The following STAB1 variants were observed in gnomAD, a reference collection of about 807,000 sequenced individuals.
STAB1 encodes the protein stabilin-1.
Under a neutral mutation model 332.4 loss-of-function variants are expected in STAB1, and 250 were observed. The ratio of observed to expected loss-of-function variants is 0.75; its 90% CI spans 0.68 to 0.84. STAB1 has a LOEUF of 0.84. STAB1 is among the 40% of genes least tolerant of loss of function. The pLI is 0.00. For synonymous variants in STAB1, 1,475 were observed against 1,390.4 expected, an observed-to-expected ratio of 1.06 and a Z score of -1.35; for missense variants, 3,249 against 3,489.7, an observed-to-expected ratio of 0.93 and a Z score of 1.74.
At chr3:52,509,789 A>G (rs878906093) in intron 22 of STAB1, 81 bp from the exon 23 acceptor site, 2 of 1,520,344 alleles carry the variant, frequency 1.3e-6, no homozygotes, top group South Asian at 1.1e-5. Context: ...CCCACTCCCT[A>G]TATCCCCCAA....
rs368063159 is a variant in STAB1 at position 52,504,516 on chromosome 3, A to G, written c.1206A>G (p.Pro402=). Reference sequence around the variant, plus strand: ...CGGGCCCTTTCACCGTGCTGGTGCCATCCGTCTCCTCCTTCTCCTCCAGGA... The same window carrying G: ...CGGGCCCTTTCACCGTGCTGGTGCCGTCCGTCTCCTCCTTCTCCTCCAGGA... ...TTAGPFTVLV[P]SVSSFSSRTM... Residue 402 remains proline, a synonymous_variant, in exon 11 of 69, where the codon CCA becomes CCG. Coordinates refer to ENST00000321725, the MANE Select transcript of STAB1 (RefSeq NM_015136.3). The G allele has an allele frequency of 3.0e-5, 49 of 1,613,880 alleles. No individual in the cohort carries two copies. The highest frequency in any genetic ancestry group is 4.0e-5 in the Non-Finnish European group (47 of 1,179,992).
Position 52,518,892 on chromosome 3 carries a change from C to G in STAB1, c.5034+23C>G, listed in dbSNP as rs771389254. 6.0e-6 allele frequency: 9 copies of G among 1,499,092 alleles called. No homozygotes were observed. The South Asian group carries it at 7.6e-5, about 13-fold the overall frequency. 92.9% of individuals were successfully genotyped at this position (1,499,092 alleles called of 1,614,324 possible). A position where few individuals can be genotyped will look rare whatever the true frequency, so the allele number is the denominator to read the frequency against. ...GAGGTGAGCCCTGGCCCTGGCCTGC[C>G]CCGCTCCATCCCGCCCCGCCCCGCC... is the stretch of plus-strand genomic sequence containing the variant. On this transcript the variant is annotated intron_variant, in intron 48 of 68. Coordinates refer to ENST00000321725, the MANE Select transcript of STAB1 (RefSeq NM_015136.3).
intron 9 of STAB1, 37 bp downstream of exon 9, chr3:52,503,939 G>A (rs769559334): frequency 6.2e-7 from 1 of 1,612,846 alleles, no homozygotes; most frequent in South Asian, 1.1e-5. Context: ...ACAGTGGGTT[G>A]GGCAAGCGTG....
In STAB1 at chr3:52,510,219, G is replaced by A. The variant is rs765233715; in HGVS notation, c.2612G>A (p.Gly871Glu). Residue 871 changes from glycine to glutamate, a missense_variant, in exon 24 of 69, where the codon GGA becomes GAA. Gly to Glu is a moderately conservative substitution (Grantham distance 98). Transcript: ENST00000321725. ...PSNPCSHPDRGGCSENAECVP... is the reference protein window; with the variant it reads ...PSNPCSHPDREGCSENAECVP... ...AACCCCTGCTCCCACCCGGACCGTG[G>A]AGGCTGCTCAGAGAATGTCAGTCCC... 2.5e-6 allele frequency: 4 copies of A among 1,613,922 alleles called. No individual in the cohort carries two copies. The highest frequency in any genetic ancestry group is 4.5e-5 in the East Asian group (2 of 44,902).
chr3:52,507,773 G>C, intron 19 of STAB1, 98 bp downstream of exon 19: 1 of 1,534,692 alleles, frequency 6.5e-7, no homozygotes, highest in Non-Finnish European at 9.0e-7. Context: ...GAGGCTGGGA[G>C]GCTAGATCAC....
In STAB1 at chr3:52,518,795, C is replaced by T. The variant is rs1178219478; in HGVS notation, c.4960C>T (p.Arg1654Trp). The change falls in exon 48 of 69, where the codon CGG (arginine) becomes TGG (tryptophan). Residue 1654 changes from arginine (R) to tryptophan (W), a missense_variant. Transcript: ENST00000321725. ...RYHVVGCRRL[R>W]SEDLLEQGYA... Reference sequence around the variant, plus strand: ...CCACGTGGTTGGCTGTCGGCGGCTGCGGAGCGAGGACCTGCTGGAGCAGGG... The same window carrying T: ...CCACGTGGTTGGCTGTCGGCGGCTGTGGAGCGAGGACCTGCTGGAGCAGGG... 4 of 1,611,760 alleles carry T rather than the reference C, an allele frequency of 2.5e-6. No homozygotes were observed. The highest frequency in any genetic ancestry group is 1.7e-5 in the Admixed American group (1 of 59,954).
intron 5 of STAB1, 36 bp downstream of exon 5, chr3:52,502,264 T>C (rs1292246174): frequency 1.9e-6 from 3 of 1,600,128 alleles, no homozygotes; most frequent in Admixed American, 1.7e-5. Flanking sequence ...ACGGCCAGCG[T>C]CCACCTGGGG....
chr3:52,520,175 C>T (rs768256752), intron 51 of STAB1, 29 bp from the exon 52 acceptor site: 48 of 1,613,038 alleles, frequency 3.0e-5, no homozygotes, highest in African/African-American at 4.0e-5. Context: ...CCTGCCTTTC[C>T]ACCTCCAACC....
chr3:52,514,031 C>A (rs201781400), intron 32 of STAB1, 50 bp downstream of exon 32: 2 of 1,593,926 alleles, frequency 1.3e-6, no homozygotes, highest in African/African-American at 2.7e-5. Context: ...GACACTGTGC[C>A]CCAGGTCCAG....
rs937613286 is a variant in STAB1 at position 52,522,860 on chromosome 3, A to G, written c.6830A>G (p.Asn2277Ser). Residue 2277 changes from asparagine (N) to serine (S), a missense_variant, in exon 62 of 69, where the codon AAT (asparagine) becomes AGT (serine). Physicochemically the swap from Asn to Ser is conservative, Grantham distance 46. Coordinates refer to ENST00000321725, the MANE Select transcript of STAB1 (RefSeq NM_015136.3). Reference protein sequence around the residue: ...PVVFPVADCGNGRVGIVSLGA... With the variant: ...PVVFPVADCGSGRVGIVSLGA... Reference sequence around the variant, plus strand: ...GTTTTCCCTGTGGCGGACTGTGGCAATGGTCGGGTGGGCATAGTCAGCCTG... The same window carrying G: ...GTTTTCCCTGTGGCGGACTGTGGCAGTGGTCGGGTGGGCATAGTCAGCCTG... 6.2e-7 allele frequency: 1 copy of G among 1,613,248 alleles called. No individual in the cohort carries two copies. Among genetic ancestry groups the G allele is most frequent in the East Asian group, 2.2e-5 (1 of 44,872 alleles).
chr3:52,524,090 C>T lies in STAB1; in HGVS notation c.7543-10C>T, dbSNP rs368857651. The T allele has an allele frequency of 1.2e-6, 2 of 1,613,192 alleles. No homozygotes were observed. Among genetic ancestry groups the T allele is most frequent in the African/African-American group, 2.7e-5 (2 of 74,952 alleles). On this transcript the variant is annotated splice_polypyrimidine_tract_variant and intron_variant, in intron 67 of 68. Transcript: ENST00000321725. The stretch of plus-strand genomic sequence containing the variant: ...AGGCGCCTCGCCACTCACCCCTCTG[C>T]TGCTCCCAGGCGGAAGATGATGCTG...
chr3:52,510,212 G>A lies in STAB1; in HGVS notation c.2605G>A (p.Asp869Asn), dbSNP rs1009376515. ...CTPSNPCSHP[D>N]RGGCSENAEC... The stretch of plus-strand genomic sequence containing the variant: ...ACCTAGCAACCCCTGCTCCCACCCG[G>A]ACCGTGGAGGCTGCTCAGAGAATGT... Residue 869 changes from aspartate (D) to asparagine (N), a missense_variant, in exon 24 of 69, where the codon GAC becomes AAC. Asp to Asn is a conservative substitution (Grantham distance 23, BLOSUM62 1). Transcript: ENST00000321725. 6.2e-7 allele frequency: 1 copy of A among 1,614,034 alleles called. No homozygotes were observed. Among genetic ancestry groups the A allele is most frequent in the African/African-American group, 1.3e-5 (1 of 75,046 alleles).
chr3:52,515,420 C>T lies in STAB1; in HGVS notation c.3865-3C>T, dbSNP rs1471626310. ...GACCCCTCCTGCCTGTCCCCGTTTC[C>T]AGGACACACCCAGGAAGAGCTGTGT... On this transcript the variant is annotated splice_region_variant and splice_polypyrimidine_tract_variant and intron_variant, in intron 36 of 68. Transcript: ENST00000321725. 1.2e-6 allele frequency: 2 copies of T among 1,612,784 alleles called. No homozygotes were observed. Among genetic ancestry groups the T allele is most frequent in the African/African-American group, 2.7e-5 (2 of 74,938 alleles).
chr3:52,505,127 C>T lies in STAB1; in HGVS notation c.1502C>T (p.Thr501Ile), dbSNP rs1309427527. ...CTGCGGTGGCAGGCCCCCTCTGGGACCCCTGGGGATCCCAAGGTGAGCCAG... is the reference window on the plus strand; with the variant it reads ...CTGCGGTGGCAGGCCCCCTCTGGGATCCCTGGGGATCCCAAGGTGAGCCAG... The part of the protein sequence containing the change: ...TGLRWQAPSG[T>I]PGDPKRTIGQ... The change falls in exon 13 of 69, where the codon ACC becomes ATC. Residue 501 changes from threonine to isoleucine, a missense_variant. Physicochemically the swap from Thr to Ile is moderately conservative, Grantham distance 89. Transcript: ENST00000321725. The T allele has an allele frequency of 6.2e-7, 1 of 1,613,070 alleles. No individual in the cohort carries two copies.
chr3:52,510,292 C>A, intron 24 of STAB1, 57 bp downstream of exon 24: 8 of 1,613,828 alleles, frequency 5.0e-6, no homozygotes, highest in Non-Finnish European at 6.8e-6. Context: ...GGTGGGATGC[C>A]CTGGCCCTCT....
chr3:52,518,952 G>T, intron 48 of STAB1, 83 bp downstream of exon 48: 3 of 1,042,624 alleles, frequency 2.9e-6, no homozygotes, highest in Non-Finnish European at 3.7e-6. Flanking sequence ...CACGGCCCAC[G>T]CAGTCAAGAA....
intron 5 of STAB1, 27 bp from the exon 6 acceptor site, chr3:52,502,605 C>G: frequency 6.3e-7 from 1 of 1,596,702 alleles, no homozygotes; most frequent in Non-Finnish European, 8.6e-7. Flanking sequence ...GGCTGGGGCC[C>G]CATCTGTCTC....
chr3:52,503,254 C>T, intron 7 of STAB1, 90 bp from the exon 8 acceptor site: 4 of 1,518,326 alleles, frequency 2.6e-6, no homozygotes, highest in Non-Finnish European at 3.6e-6. Context: ...CTAGGTCAAC[C>T]TGCTGGCCCC....
chr3:52,518,527 C>T lies in STAB1; in HGVS notation c.4810-9C>T, dbSNP rs990100686. ...CCCATTCCACTCATGCTGTTGCTGC[C>T]TCCCGCAGGAATATAAGGAGCTCAA... On this transcript the variant is annotated splice_polypyrimidine_tract_variant and intron_variant, in intron 46 of 68. Transcript: ENST00000321725. 6.6e-5 allele frequency: 104 copies of T among 1,579,228 alleles called. No homozygotes were observed. Among genetic ancestry groups the T allele is most frequent in the Non-Finnish European group, 8.8e-5 (102 of 1,161,822 alleles).
Sources: gnomAD v4.1 joint callset for allele counts on GRCh38, gnomAD v4.1.1 for gene constraint, MANE v1.5 for transcripts, NCBI Gene and HGNC (gene_info 2026-07-23, HGNC 2026-07-21) for gene names.